LRRC7: variants seen among roughly 807,000 people sequenced by gnomAD.
The protein encoded by LRRC7 is leucine rich repeat containing 7, also known as leucine-rich repeat-containing protein 7.
A neutral mutation model predicts 175.7 loss-of-function variants in LRRC7; 23 were observed. The observed-to-expected ratio is 0.13, with a 90% CI of 0.09 to 0.19. The LOEUF (loss-of-function observed/expected upper bound fraction) is 0.19. Among genes scored for constraint, LRRC7 ranks in the 10% least tolerant of loss-of-function variants. The pLI, the probability that LRRC7 is intolerant of heterozygous loss-of-function variation, is 1.00. For synonymous variants in LRRC7, 685 were observed against 680.9 expected, an observed-to-expected ratio of 1.01 and a Z score of -0.09; for missense variants, 1,354 against 1,904.7, an observed-to-expected ratio of 0.71 and a Z score of 5.38.
intron 8 of LRRC7, among the ~76,000 whole-genome samples, chr1:69,939,033 A>ATATATATATC (rs1553178496): frequency 2.9e-5 from 2 of 69,292 alleles, no homozygotes; most frequent in African/African-American, 8.0e-5. Context: ...ATATATATCT[A>ATATATATATC]TATATATCTA....
chr1:69,908,240 G>T (rs535303260), intron 7 of LRRC7, among the ~76,000 whole-genome samples: 21 of 152,116 alleles, frequency 1.4e-4, no homozygotes, highest in African/African-American at 4.3e-4. Context: ...TTTTTGAAGG[G>T]TTTTTTTGTG....
At chr1:70,086,160 C>T (rs1177883812) in intron 24 of LRRC7, among the ~76,000 whole-genome samples, 2 of 151,736 alleles carry the variant, frequency 1.3e-5, no homozygotes, top group Non-Finnish European at 2.9e-5. Flanking sequence ...AGTGAGAGGG[C>T]TCACCCAGGC....
At chr1:69,819,869 G>T (rs1001509229) in intron 4 of LRRC7, among the ~76,000 whole-genome samples, 4 of 151,988 alleles carry the variant, frequency 2.6e-5, no homozygotes, top group Admixed American at 1.3e-4. Flanking sequence ...AGATACTCCT[G>T]CTCTCTTTTG....
At chr1:69,864,195 A>G (rs570015854) in intron 7 of LRRC7, among the ~76,000 whole-genome samples, 1 of 152,332 alleles carries the variant, frequency 6.6e-6, no homozygotes, top group African/African-American at 2.4e-5. Context: ...TCATTGTGCT[A>G]GAATTGTTTA....
chr1:69,958,077 A>G lies in LRRC7; in HGVS notation c.712-22302A>G, dbSNP rs146082695. Among the ~76,000 whole-genome samples, 509 of 152,094 alleles carry G rather than the reference A, an allele frequency of 3.3e-3. 1 individual carries two copies. The highest frequency in any genetic ancestry group is 5.8e-3 in the Non-Finnish European group (391 of 67,900). On this transcript the variant is annotated intron_variant, in intron 8 of 26. Coordinates refer to ENST00000651989, the MANE Select transcript of LRRC7 (RefSeq NM_001370785.2). ...TTATAATTTATGTTAATGAACACCTATATATCATCTAATGATTCTAAAATG... is the reference window on the plus strand; with the variant it reads ...TTATAATTTATGTTAATGAACACCTGTATATCATCTAATGATTCTAAAATG...
chr1:69,711,385 C>CA lies in LRRC7; in HGVS notation c.100+32911dup, dbSNP rs1443503952. ...TCAATGACTGTTAGTGATCATGTCA[C>CA]AAAACACTAGAGAACATTGACCATG... On this transcript the variant is annotated intron_variant, in intron 2 of 26. Coordinates refer to ENST00000651989, the MANE Select transcript of LRRC7 (RefSeq NM_001370785.2). Among the ~76,000 whole-genome samples, 16 of 152,264 alleles carry CA rather than the reference C, an allele frequency of 1.1e-4. No homozygotes were observed. In the East Asian group the frequency reaches 1.7e-3, roughly 17 times the overall value.
chr1:69,881,587 T>TA (rs1348934888), intron 7 of LRRC7, among the ~76,000 whole-genome samples: 2 of 151,564 alleles, frequency 1.3e-5, no homozygotes, highest in African/African-American at 4.9e-5. Context: ...GTCAACAAAA[T>TA]AAAAAGGCAG....
intron 26 of LRRC7, among the ~76,000 whole-genome samples, chr1:70,120,116 C>T (rs1666115561): frequency 6.6e-6 from 1 of 152,018 alleles, no homozygotes; most frequent in South Asian, 2.1e-4. Flanking sequence ...CTTTACTCTT[C>T]ATCACCAACT....
At chr1:70,023,502 A>G (rs1424710211) in intron 17 of LRRC7, 128 bp downstream of exon 17, 2 of 1,013,528 alleles carry the variant, frequency 2.0e-6, no homozygotes, top group South Asian at 3.6e-5. Flanking sequence ...TCAAATTGCC[A>G]GTGTTTTATC....
intron 1 of LRRC7, among the ~76,000 whole-genome samples, chr1:69,578,457 ACTATAAATCATGCTG>A: frequency 2.0e-5 from 3 of 146,366 alleles, no homozygotes; most frequent in Non-Finnish European, 4.5e-5. Context: ...TACCCAAAGG[ACTATAAATCATGCTG>A]CTATAAAGAC....
chr1:70,027,500 C>A (rs1159496084), intron 17 of LRRC7, among the ~76,000 whole-genome samples: 2 of 152,054 alleles, frequency 1.3e-5, no homozygotes, highest in Non-Finnish European at 1.5e-5. Flanking sequence ...AAAGTGGTCC[C>A]AATTTTTAAT....
chr1:69,835,151 A>C (rs1488015879), intron 6 of LRRC7, among the ~76,000 whole-genome samples: 3 of 152,014 alleles, frequency 2.0e-5, no homozygotes, highest in Non-Finnish European at 2.9e-5. Context: ...AAAGGAGATG[A>C]ATATTTATGG....
At chr1:69,992,950 T>C (rs1053892122) in intron 10 of LRRC7, among the ~76,000 whole-genome samples, 15 of 152,230 alleles carry the variant, frequency 9.9e-5, no homozygotes, top group Non-Finnish European at 5.9e-5. Flanking sequence ...TGTGACCCGA[T>C]TGAGTGATGT....
chr1:69,940,253 A>G (rs954401243), intron 8 of LRRC7, among the ~76,000 whole-genome samples: 1 of 152,106 alleles, frequency 6.6e-6, no homozygotes, highest in Non-Finnish European at 1.5e-5. Context: ...ACTGTCATAC[A>G]TTGAAGTAAA....
intron 8 of LRRC7, among the ~76,000 whole-genome samples, chr1:69,963,004 CAAGAAG>C (rs1306342614): frequency 7.0e-4 from 106 of 151,828 alleles, no homozygotes; most frequent in African/African-American, 2.5e-3. Flanking sequence ...TAAAAAAAAA[CAAGAAG>C]AAGAAGAACA....
At chr1:69,733,111 A>G (rs1423046705) in intron 2 of LRRC7, among the ~76,000 whole-genome samples, 1 of 152,084 alleles carries the variant, frequency 6.6e-6, no homozygotes, top group Non-Finnish European at 1.5e-5. Context: ...AAAAATGAGG[A>G]TCAATGTGCT....
intron 4 of LRRC7, among the ~76,000 whole-genome samples, chr1:69,808,496 G>C (rs1677410243): frequency 6.6e-6 from 1 of 152,066 alleles, no homozygotes; most frequent in Non-Finnish European, 1.5e-5. Context: ...TTCTAAAATT[G>C]ACCACATAAT....
chr1:69,936,703 A>G (rs562818705), intron 8 of LRRC7, among the ~76,000 whole-genome samples: 11 of 152,190 alleles, frequency 7.2e-5, no homozygotes, highest in East Asian at 1.9e-4. Flanking sequence ...TAGTTTTTCA[A>G]TCTTCACCCT....
intron 14 of LRRC7, among the ~76,000 whole-genome samples, 188 bp from the exon 15 acceptor site, chr1:70,018,531 C>T (rs1183539560): frequency 1.3e-5 from 2 of 151,874 alleles, no homozygotes; most frequent in Non-Finnish European, 1.5e-5. Context: ...AAGAAGAAAA[C>T]TTTATTATGA....
Sources: allele counts gnomAD v4.1 joint callset (sites outside exome capture counted in the v4.1 genomes callset), GRCh38; gene constraint gnomAD v4.1.1; transcripts MANE v1.5; gene names NCBI Gene and HGNC (gene_info 2026-07-23, HGNC 2026-07-21).